Variants in GXYLT1 observed in about 807,000 individuals in gnomAD.
The protein encoded by GXYLT1 is glucoside xylosyltransferase 1, also known as glycosyltransferase 8 domain containing 3.
A neutral mutation model predicts 54.0 loss-of-function variants in GXYLT1; 29 were observed. The ratio of observed to expected loss-of-function variants is 0.54; its 90% CI spans 0.40 to 0.73. The LOEUF is 0.73. Ranked by LOEUF, GXYLT1 falls within the 30% of genes least tolerant of loss-of-function variation. GXYLT1 has a pLI of 0.00. For missense variants in GXYLT1, 490 were observed against 553.4 expected, an observed-to-expected ratio of 0.89 and a Z score of 1.15; for synonymous variants, 176 against 204.1, an observed-to-expected ratio of 0.86 and a Z score of 1.17.
At chr12:42,141,564 T>C (rs1028841960) in intron 1 of GXYLT1, among the ~76,000 whole-genome samples, 9 of 151,928 alleles carry the variant, frequency 5.9e-5, no homozygotes, top group Non-Finnish European at 1.0e-4. Flanking sequence ...AAAAACCCTA[T>C]GTGAAGTGAT....
At chr12:42,141,633 G>C (rs1268618251) in intron 1 of GXYLT1, among the ~76,000 whole-genome samples, 1 of 151,568 alleles carries the variant, frequency 6.6e-6, no homozygotes, top group South Asian at 2.1e-4. Context: ...AAACTATCAA[G>C]TTCTATGCCT....
intron 4 of GXYLT1, 133 bp downstream of exon 4, chr12:42,109,433 A>C: frequency 1.8e-6 from 1 of 561,544 alleles, no homozygotes; most frequent in Non-Finnish European, 2.8e-6. Context: ...AAGATAGTAC[A>C]TGCATTGATT....
At chr12:42,107,028 C>A (rs868014769) in intron 4 of GXYLT1, among the ~76,000 whole-genome samples, 1 of 151,678 alleles carries the variant, frequency 6.6e-6, no homozygotes, top group Non-Finnish European at 1.5e-5. Context: ...ATTACAGGCA[C>A]GAGCCACTGT....
At chr12:42,127,335 A>G (rs1173148743) in intron 2 of GXYLT1, among the ~76,000 whole-genome samples, 1 of 132,190 alleles carries the variant, frequency 7.6e-6, no homozygotes, top group Non-Finnish European at 1.6e-5. Flanking sequence ...ACATAATTAT[A>G]TGACACAAAA....
rs2065420070 is a variant in GXYLT1, at chr12:42,106,163, T to A, written c.613-94A>T. The A allele has an allele frequency of 5.2e-6, 4 of 769,460 alleles. No individual in the cohort carries two copies. The Admixed American group carries it at 8.7e-5, about 17-fold the overall frequency. 47.7% of individuals were successfully genotyped at this position (769,460 alleles called of 1,614,324 possible). On this transcript the variant is annotated intron_variant, in intron 4 of 7. Transcript: ENST00000398675. ...ATTGTGTAAGATACACCTAAGAGATTAGCTAATTTATATTATTTTATTTTA... is the reference window on the plus strand; with the variant it reads ...ATTGTGTAAGATACACCTAAGAGATAAGCTAATTTATATTATTTTATTTTA...
chr12:42,096,437 T>C (rs1222382427), intron 7 of GXYLT1, among the ~76,000 whole-genome samples: 2 of 152,128 alleles, frequency 1.3e-5, no homozygotes, highest in African/African-American at 2.4e-5. Flanking sequence ...CCAATGGCCA[T>C]ACCTGGAACA....
chr12:42,112,161 G>A (rs56870020), intron 3 of GXYLT1, among the ~76,000 whole-genome samples: 1 of 152,120 alleles, frequency 6.6e-6, no homozygotes, highest in Non-Finnish European at 1.5e-5. Flanking sequence ...CATCATCAAA[G>A]ACCAAAGGTA....
chr12:42,133,281 A>AAACC (rs569197407), intron 1 of GXYLT1, among the ~76,000 whole-genome samples: 221 of 152,214 alleles, frequency 1.5e-3, no homozygotes, highest in Non-Finnish European at 1.7e-3. Flanking sequence ...CTGTCTCAAA[A>AAACC]AACCAACCAA....
At chr12:42,120,401 T>C (rs1387912453) in intron 2 of GXYLT1, among the ~76,000 whole-genome samples, 1 of 152,212 alleles carries the variant, frequency 6.6e-6, no homozygotes, top group African/African-American at 2.4e-5. Context: ...CACTAGTATG[T>C]CTTTAGAATC....
At chr12:42,092,315 G>A (rs1163049741) in intron 7 of GXYLT1, among the ~76,000 whole-genome samples, 5 of 152,214 alleles carry the variant, frequency 3.3e-5, no homozygotes, top group Non-Finnish European at 7.3e-5. Context: ...AAACAGTGTA[G>A]TAGAACAGAC....
intron 1 of GXYLT1, among the ~76,000 whole-genome samples, chr12:42,138,580 T>C (rs960776748): frequency 6.6e-6 from 1 of 152,030 alleles, no homozygotes; most frequent in African/African-American, 2.4e-5. Context: ...CTATGCGTAA[T>C]AAAGGTAAAC....
intron 1 of GXYLT1, among the ~76,000 whole-genome samples, chr12:42,137,630 G>A (rs1475468673): frequency 2.6e-5 from 4 of 151,036 alleles, no homozygotes; most frequent in African/African-American, 9.7e-5. Flanking sequence ...GGTGGCAGGC[G>A]CCTGTAGTCC....
At chr12:42,131,269 T>C (rs916457571) in intron 1 of GXYLT1, among the ~76,000 whole-genome samples, 21 of 152,228 alleles carry the variant, frequency 1.4e-4, no homozygotes, top group African/African-American at 4.6e-4. Context: ...CATTATCTCA[T>C]CACTATGCAG....
intron 1 of GXYLT1, among the ~76,000 whole-genome samples, chr12:42,131,653 A>C (rs1179459248): frequency 6.6e-6 from 1 of 152,248 alleles, no homozygotes; most frequent in Non-Finnish European, 1.5e-5. Context: ...AACCAGAAAG[A>C]GAAGAAAATG....
At chr12:42,110,710 C>T (rs1775755475) in intron 3 of GXYLT1, among the ~76,000 whole-genome samples, 1 of 152,202 alleles carries the variant, frequency 6.6e-6, no homozygotes, top group African/African-American at 2.4e-5. Context: ...GCCACCACAA[C>T]CAGCTATCTA....
intron 5 of GXYLT1, among the ~76,000 whole-genome samples, chr12:42,098,800 A>G (rs1322348508): frequency 2.1e-5 from 2 of 94,390 alleles, no homozygotes; most frequent in Admixed American, 1.2e-4. Context: ...ATGTGTGTGT[A>G]TATATACATG....
At chr12:42,123,783 T>A (rs1429305510) in intron 2 of GXYLT1, among the ~76,000 whole-genome samples, 1 of 151,962 alleles carries the variant, frequency 6.6e-6, no homozygotes. Flanking sequence ...CAAATAACCA[T>A]CTACTAAAAC....
At position 42,087,804 on chromosome 12, in the gene GXYLT1, T is replaced by C; in HGVS notation, c.1305A>G (p.Arg435=). ...CCAAGAATCACTTTTCCTTTGGTGA[T>C]CTGGCATAACGATCTCTTACACTTT... ...LAKSVRDRYA[R]SPKEK is the part of the protein sequence containing the mutation. Residue 435 remains arginine (R), a synonymous_variant, in exon 8 of 8, where the codon AGA becomes AGG. Transcript: ENST00000398675. 1 of 1,603,248 alleles carries C rather than the reference T, an allele frequency of 6.2e-7. No individual in the cohort carries two copies. Among genetic ancestry groups the C allele is most frequent in the Non-Finnish European group, 8.5e-7 (1 of 1,176,590 alleles).
In GXYLT1 at chr12:42,144,616, A is replaced by G. The variant is rs1158380326; in HGVS notation, c.31T>C (p.Cys11Arg). The change falls in exon 1 of 8, where the codon TGT (cysteine) becomes CGT (arginine). Residue 11 changes from cysteine (C) to arginine (R), a missense_variant. Cys to Arg is a radical substitution (Grantham distance 180, BLOSUM62 -3). Coordinates refer to ENST00000398675, the MANE Select transcript of GXYLT1 (RefSeq NM_173601.2). MRRYLRVVVL[C>R]VACGFCSLLY... ...AGCGAGCAGAAGCCGCAGGCCACAC[A>G]CAGCACCACGACGCGCAGGTAGCGC... 6.8e-7 allele frequency: 1 copy of G among 1,474,424 alleles called. No homozygotes were observed. Among genetic ancestry groups the G allele is most frequent in the Non-Finnish European group, 9.0e-7 (1 of 1,110,794 alleles). The allele number at this position is 1,474,424 out of a possible 1,614,324, so 91.3% of individuals were successfully genotyped here.
Sources: allele counts gnomAD v4.1 joint callset (sites outside exome capture counted in the v4.1 genomes callset), GRCh38; gene constraint gnomAD v4.1.1; transcripts MANE v1.5; gene names NCBI Gene and HGNC (gene_info 2026-07-23, HGNC 2026-07-21).